MNS1: variants seen among roughly 807,000 people sequenced by gnomAD.
MNS1 encodes meiosis-specific nuclear structural protein 1.
Under a neutral mutation model 72.0 loss-of-function variants are expected in MNS1, and 63 were observed. The observed-to-expected ratio is 0.87, with a 90% CI of 0.71 to 1.08. The LOEUF (loss-of-function observed/expected upper bound fraction) is 1.08, where lower values mean the gene tolerates loss of function less well. Ranked by LOEUF, MNS1 falls within the 50% of genes least tolerant of loss-of-function variation. MNS1 has a pLI of 0.00. For missense variants in MNS1, 604 were observed against 562.4 expected (o/e 1.07, Z -0.75); for synonymous variants, 188 against 172.1 (o/e 1.09, Z -0.72).
chr15:56,449,806 A>G (rs1385043757), intron 3 of MNS1, among the ~76,000 whole-genome samples: 1 of 152,164 alleles, frequency 6.6e-6, no homozygotes, highest in African/African-American at 2.4e-5. Context: ...GAATTTATCT[A>G]TTTCATTTAC....
chr15:56,460,951 C>A (rs1296229264), intron 2 of MNS1, among the ~76,000 whole-genome samples: 2 of 152,046 alleles, frequency 1.3e-5, no homozygotes, highest in South Asian at 2.1e-4. Context: ...TGGTTTTGTT[C>A]TAGTTTGAGT....
chr15:56,453,379 TTTTG>T (rs1256014370), intron 3 of MNS1, among the ~76,000 whole-genome samples: 2 of 152,178 alleles, frequency 1.3e-5, no homozygotes, highest in Non-Finnish European at 2.9e-5. Context: ...AATCTTCTGT[TTTTG>T]TTTCTCAGAA....
chr15:56,429,270 A>G, intron 9 of MNS1, 77 bp from the exon 10 acceptor site: 1 of 870,288 alleles, frequency 1.1e-6, no homozygotes, highest in Non-Finnish European at 1.8e-6. Flanking sequence ...TGACAGACAT[A>G]AGATTAGTAA....
At chr15:56,445,550 A>G (rs1379309099) in intron 4 of MNS1, 1 of 152,072 alleles carries the variant, frequency 6.6e-6, no homozygotes, top group Non-Finnish European at 1.5e-5. Flanking sequence ...TTGACCAAAA[A>G]TGTTTCTGAT....
At chr15:56,462,471 G>T (rs1320921140) in intron 2 of MNS1, among the ~76,000 whole-genome samples, 1 of 152,164 alleles carries the variant, frequency 6.6e-6, no homozygotes, top group Non-Finnish European at 1.5e-5. Context: ...CAATCTAATT[G>T]TGTCTTTATG....
chr15:56,460,951 C>G (rs1296229264), intron 2 of MNS1, among the ~76,000 whole-genome samples: 4 of 152,046 alleles, frequency 2.6e-5, no homozygotes, highest in Admixed American at 6.6e-5. Context: ...TGGTTTTGTT[C>G]TAGTTTGAGT....
At chr15:56,448,855 G>A (rs922836169) in intron 3 of MNS1, among the ~76,000 whole-genome samples, 5 of 149,442 alleles carry the variant, frequency 3.3e-5, no homozygotes, top group Non-Finnish European at 7.4e-5. Flanking sequence ...CCAGGTTCAC[G>A]CGATTCTCCT....
At chr15:56,462,984 T>G (rs1422908939) in intron 2 of MNS1, among the ~76,000 whole-genome samples, 3 of 152,184 alleles carry the variant, frequency 2.0e-5, no homozygotes, top group Admixed American at 1.3e-4. Flanking sequence ...TCTAAGCTTT[T>G]GAATTTGGAA....
intron 3 of MNS1, among the ~76,000 whole-genome samples, chr15:56,454,687 CATA>C (rs1334362010): frequency 6.6e-6 from 1 of 152,148 alleles, no homozygotes; most frequent in African/African-American, 2.4e-5. Flanking sequence ...CATCTCCTCA[CATA>C]ATGCTTCTGT....
At chr15:56,451,101 T>C (rs1013163431) in intron 3 of MNS1, among the ~76,000 whole-genome samples, 5 of 152,244 alleles carry the variant, frequency 3.3e-5, no homozygotes, top group Admixed American at 2.0e-4. Flanking sequence ...TTGTAAGAGT[T>C]CTTTATATAT....
In MNS1 at chr15:56,434,252, C is replaced by T. The variant is rs2050678660; in HGVS notation, c.1155G>A (p.Glu385=). The change falls in exon 8 of 10, where the codon GAG becomes GAA. Residue 385 remains glutamate, a synonymous_variant. Transcript: ENST00000260453. ...FRKTMLAKFA[E]DDRIELMNAQ... Reference sequence around the variant, plus strand: ...CATTCATTAATTCTATTCGATCATCCTCAGCAAATTTAGCTAGCATAGTTT... The same window carrying T: ...CATTCATTAATTCTATTCGATCATCTTCAGCAAATTTAGCTAGCATAGTTT... 1 of 1,613,884 alleles carries T rather than the reference C, an allele frequency of 6.2e-7. No individual in the cohort carries two copies.
At chr15:56,430,428 A>G (rs1280856312) in intron 9 of MNS1, among the ~76,000 whole-genome samples, 1 of 151,314 alleles carries the variant, frequency 6.6e-6, no homozygotes, top group Non-Finnish European at 1.5e-5. Context: ...CTGGTCTTGA[A>G]CTCCTGGGCT....
At position 56,443,465 on chromosome 15, in the gene MNS1, C is replaced by T; in HGVS notation, c.976G>A (p.Glu326Lys). The change falls in exon 7 of 10, where the codon GAA becomes AAA. Residue 326 changes from glutamate to lysine, a missense_variant. Coordinates refer to ENST00000260453, the MANE Select transcript of MNS1 (RefSeq NM_018365.4). ...LEQVRQELYQ[E>K]EQAEIYKSKL... ...CTCTTATATATTTCAGCTTGTTCTT[C>T]CTGGTATAATTCTTGTCGCACTTGT... The T allele has an allele frequency of 6.3e-7, 1 of 1,594,326 alleles. No individual in the cohort carries two copies. The highest frequency in any genetic ancestry group is 8.5e-7 in the Non-Finnish European group (1 of 1,174,474).
Position 56,443,615 on chromosome 15 carries a change from TAAAG to T in MNS1, c.903+19_903+22del. The stretch of plus-strand genomic sequence containing the variant: ...TAATATTTCAGAATTTTACTAGTGT[TAAAG>T]AAGTGGTTATTTTAATACCGCATTC... On this transcript the variant is annotated intron_variant, in intron 6 of 9. Coordinates refer to ENST00000260453, the MANE Select transcript of MNS1 (RefSeq NM_018365.4). 1 of 1,604,710 alleles carries T rather than the reference TAAAG, an allele frequency of 6.2e-7. No individual in the cohort carries two copies. The highest frequency in any genetic ancestry group is 8.5e-7 in the Non-Finnish European group (1 of 1,175,780).
intron 4 of MNS1, among the ~76,000 whole-genome samples, chr15:56,445,502 G>A (rs1031846011): frequency 6.6e-6 from 1 of 151,980 alleles, no homozygotes; most frequent in Non-Finnish European, 1.5e-5. Flanking sequence ...CATTCCTGAC[G>A]TCACTGAAGC....
chr15:56,461,975 GTTTTTTTTTTTTTT>G lies in MNS1; in HGVS notation c.225+2037_225+2050del, dbSNP rs56022687. ...AATAACAAAGTGTTTTTTTGTTGTT[GTTTTTTTTTTTTTT>G]TTTTTTTTTTTTTTTTTTTTTGTGG... On this transcript the variant is annotated intron_variant, in intron 2 of 9. Coordinates refer to ENST00000260453, the MANE Select transcript of MNS1 (RefSeq NM_018365.4). Among the ~76,000 whole-genome samples the G allele has an allele frequency of 1.7e-3, 163 of 97,906 alleles. 2 individuals are homozygous for G. Among genetic ancestry groups the G allele is most frequent in the African/African-American group, 4.6e-3 (119 of 26,050 alleles). The allele number at this position is 97,906 out of a possible 152,430, so 64.2% of individuals were successfully genotyped here.
chr15:56,463,656 C>T (rs547225156), intron 2 of MNS1: 2 of 172,830 alleles, frequency 1.2e-5, no homozygotes, highest in African/African-American at 4.8e-5. Context: ...GTGTTGCGCG[C>T]CTATAGTCCC....
intron 7 of MNS1, among the ~76,000 whole-genome samples, chr15:56,439,888 C>G (rs542081208): frequency 1.7e-4 from 25 of 151,042 alleles, no homozygotes; most frequent in African/African-American, 6.1e-4. Context: ...AAAAGAAAAA[C>G]TGATAAACTG....
chr15:56,444,524 C>CTT lies in MNS1; in HGVS notation c.604_605dup (p.Gln203SerfsTer9). 3 of 1,511,542 alleles carry CTT rather than the reference C, an allele frequency of 2.0e-6. No homozygotes were observed. Among genetic ancestry groups the CTT allele is most frequent in the East Asian group, 2.4e-5 (1 of 42,044 alleles). 93.6% of individuals were successfully genotyped at this position (1,511,542 alleles called of 1,614,324 possible). ...TTAGCAGCTGCTCATAAGCTTCCTG[C>CTT]TTTTTTTTTTCTTGTTCTTCAAGTT... On this transcript the variant is annotated frameshift_variant, in exon 5 of 10. Transcript: ENST00000260453. LOFTEE classifies it high-confidence loss of function.
Sources: allele counts gnomAD v4.1 joint callset (sites outside exome capture counted in the v4.1 genomes callset), GRCh38; gene constraint gnomAD v4.1.1; transcripts MANE v1.5; gene names NCBI Gene and HGNC (gene_info 2026-07-23, HGNC 2026-07-21).